KCNQ2: variants seen among roughly 807,000 people sequenced by gnomAD.
KCNQ2 encodes the protein potassium voltage-gated channel subfamily Q member 2, also known as potassium voltage-gated channel subfamily KQT member 2.
In KCNQ2, 14 loss-of-function variants were observed where a neutral mutation model predicts 84.8. The observed-to-expected ratio is 0.17, with a 90% CI of 0.11 to 0.26. The LOEUF (loss-of-function observed/expected upper bound fraction) is 0.26, where lower values mean the gene tolerates loss of function less well. KCNQ2 is among the 10% of genes least tolerant of loss of function. KCNQ2 has a pLI of 1.00. For missense variants in KCNQ2, 788 were observed against 1,254.0 expected (o/e 0.63, Z 5.61); for synonymous variants, 599 against 554.1 (o/e 1.08, Z -1.14).
chr20:63,452,927 C>T (rs1178210668), intron 1 of KCNQ2, among the ~76,000 whole-genome samples: 4 of 146,812 alleles, frequency 2.7e-5, no homozygotes, highest in South Asian at 2.4e-4. Context: ...GGGGTTGGGG[C>T]GGGGGCTTCC....
In KCNQ2 at chr20:63,400,611, C is replaced by T. The variant is rs1435518522; in HGVS notation, c.*6033G>A. 2.5e-6 allele frequency: 1 copy of T among 398,552 alleles called. No individual in the cohort carries two copies. Among genetic ancestry groups the T allele is most frequent in the Non-Finnish European group, 4.4e-6 (1 of 226,066 alleles). The allele number at this position is 398,552 out of a possible 1,614,324, so 24.7% of individuals were successfully genotyped here. On this transcript the variant is annotated 3_prime_UTR_variant, in exon 17 of 17. Transcript: ENST00000359125. This position sits in a 1 kb window ranked among gnomAD's most constrained non-coding sequence, Gnocchi z 8.7. ...TATGAAATGTTCTTTGGAGCATGAA[C>T]AAAAGTGCAGACAGCCAGAGGCAAC... is the stretch of plus-strand genomic sequence containing the variant.
chr20:63,470,081 G>A (rs531145437), intron 1 of KCNQ2, among the ~76,000 whole-genome samples: 3 of 152,370 alleles, frequency 2.0e-5, no homozygotes, highest in African/African-American at 7.2e-5. Context: ...GGTTTGCAGA[G>A]GTTCTGAGAC....
At position 63,433,826 on chromosome 20, in the gene KCNQ2, G is replaced by A; in HGVS notation, c.1101C>T (p.Val367=). The change falls in exon 8 of 17, where the codon GTC becomes GTT. Residue 367 remains valine (V), a synonymous_variant. Transcript: ENST00000359125. ...GGCGGTACCTGTACATGGGCACGGTGACCGTTCGCTCGTAGTACTGCCACG... is the reference window on the plus strand; with the variant it reads ...GGCGGTACCTGTACATGGGCACGGTAACCGTTCGCTCGTAGTACTGCCACG... The part of the protein sequence containing the change: ...HSTWQYYERT[V]TVPMYSSQTQ... 1 of 1,614,004 alleles carries A rather than the reference G, an allele frequency of 6.2e-7. No homozygotes were observed. The highest frequency in any genetic ancestry group is 8.5e-7 in the Non-Finnish European group (1 of 1,179,956).
At chr20:63,442,736 T>TCACCATCACCACCATCA (rs1568934132) in intron 4 of KCNQ2, among the ~76,000 whole-genome samples, 1 of 36,222 alleles carries the variant, frequency 2.8e-5, no homozygotes, top group Admixed American at 2.9e-4. Flanking sequence ...CATCACCACC[T>TCACCATCACCACCATCA]CCACCATCAC....
At position 63,413,524 on chromosome 20, in the gene KCNQ2, G is replaced by A. The variant is rs35450031; in HGVS notation, c.1689C>T (p.Asp563=). Residue 563 remains aspartate (D), a synonymous_variant, in exon 15 of 17, where the codon GAC becomes GAT. Coordinates refer to ENST00000359125, the MANE Select transcript of KCNQ2 (RefSeq NM_172107.4). ...AGTACTGCTCGATGACGTCCATCACGTCGTAGGGCCGCAGGCTCTCCTTGA... is the reference window on the plus strand; with the variant it reads ...AGTACTGCTCGATGACGTCCATCACATCGTAGGGCCGCAGGCTCTCCTTGA... ...RKFKESLRPY[D]VMDVIEQYSA... is the part of the protein sequence containing the mutation. 1,541 of 1,613,512 alleles carry A rather than the reference G, an allele frequency of 9.6e-4. 8 individuals are homozygous for A. The African/African-American group carries it at 0.017, about 18-fold the overall frequency.
intron 1 of KCNQ2, among the ~76,000 whole-genome samples, chr20:63,470,379 C>T (rs1218768986): frequency 6.6e-6 from 1 of 152,182 alleles, no homozygotes; most frequent in Non-Finnish European, 1.5e-5. Context: ...AGAGGGGGCC[C>T]GTCCGGACTG....
intron 8 of KCNQ2, among the ~76,000 whole-genome samples, chr20:63,431,612 C>T (rs2080789421): frequency 6.6e-6 from 1 of 152,130 alleles, no homozygotes; most frequent in Admixed American, 6.5e-5. Flanking sequence ...GTCGGGCTTC[C>T]AGGAGGTGCA....
Position 63,413,470 on chromosome 20 carries a change from T to A in KCNQ2, c.1743A>T (p.Arg581=), listed in dbSNP as rs757856249. The A allele has an allele frequency of 6.2e-7, 1 of 1,613,232 alleles. No homozygotes were observed. Among genetic ancestry groups the A allele is most frequent in the South Asian group, 1.1e-5 (1 of 91,082 alleles). ...YSAGHLDMLS[R]IKSLQSRVDQ... Reference sequence around the variant, plus strand: ...CTTGCCTGGACTGCAGGCTCTTAATTCGGGACAGCATGTCCAGGTGGCCGG... The same window carrying A: ...CTTGCCTGGACTGCAGGCTCTTAATACGGGACAGCATGTCCAGGTGGCCGG... The change falls in exon 15 of 17, where the codon CGA becomes CGT. Residue 581 remains arginine, a synonymous_variant. Transcript: ENST00000359125.
chr20:63,446,186 C>T lies in KCNQ2; in HGVS notation c.387+561G>A. ...AGGCCCCAGGTAACTGCAAAGGGGG[C>T]CACAGTCTCCACCCAGACCTTGGGA... On this transcript the variant is annotated intron_variant, in intron 2 of 16. Coordinates refer to ENST00000359125, the MANE Select transcript of KCNQ2 (RefSeq NM_172107.4). This position sits in a 1 kb window ranked among gnomAD's most constrained non-coding sequence, Gnocchi z 5.5. 1 of 264,444 alleles carries T rather than the reference C, an allele frequency of 3.8e-6. No individual in the cohort carries two copies. Among genetic ancestry groups the T allele is most frequent in the Non-Finnish European group, 7.4e-6 (1 of 135,452 alleles). The allele number at this position is 264,444 out of a possible 1,614,324, so 16.4% of individuals were successfully genotyped here. A position where few individuals can be genotyped will look rare whatever the true frequency, so the allele number is the denominator to read the frequency against.
chr20:63,417,776 C>T (rs2080339932), intron 12 of KCNQ2, among the ~76,000 whole-genome samples: 1 of 152,200 alleles, frequency 6.6e-6, no homozygotes, highest in Non-Finnish European at 1.5e-5. Context: ...TCCCATTTTT[C>T]AGGGGGGACC....
chr20:63,435,972 A>G (rs1600740334), intron 7 of KCNQ2, among the ~76,000 whole-genome samples: 1 of 144,868 alleles, frequency 6.9e-6, no homozygotes, highest in Non-Finnish European at 1.5e-5. Flanking sequence ...TACATTTGAC[A>G]TGTGTGTGGT....
At chr20:63,447,659 A>G (rs1240285800) in intron 1 of KCNQ2, among the ~76,000 whole-genome samples, 1 of 151,940 alleles carries the variant, frequency 6.6e-6, no homozygotes, top group Non-Finnish European at 1.5e-5. Flanking sequence ...CAATGGCGTG[A>G]TCTTGGCTCG....
rs1340055401 is a variant in KCNQ2, at chr20:63,438,396, G to C, written c.1023+229C>G. The C allele has an allele frequency of 6.6e-6, 4 of 606,580 alleles. No individual in the cohort carries two copies. The highest frequency in any genetic ancestry group is 8.9e-6 in the Non-Finnish European group (3 of 335,700). The allele number at this position is 606,580 out of a possible 1,614,324, so 37.6% of individuals were successfully genotyped here. ...GCCCCAGCACCCACACAAGGCAAGGGCCACCCCAGCGTCCTCACACGAGCC... is the reference window on the plus strand; with the variant it reads ...GCCCCAGCACCCACACAAGGCAAGGCCCACCCCAGCGTCCTCACACGAGCC... On this transcript the variant is annotated intron_variant, in intron 7 of 16. Coordinates refer to ENST00000359125, the MANE Select transcript of KCNQ2 (RefSeq NM_172107.4). This position sits in a 1 kb window ranked among gnomAD's most constrained non-coding sequence, Gnocchi z 5.1.
At chr20:63,455,180 G>C (rs934569760) in intron 1 of KCNQ2, among the ~76,000 whole-genome samples, 1 of 152,228 alleles carries the variant, frequency 6.6e-6, no homozygotes, top group African/African-American at 2.4e-5. Flanking sequence ...GGAGGACCGA[G>C]CAGCTTCTCT....
Position 63,406,278 on chromosome 20 carries a change from C to T in KCNQ2, c.*366G>A, listed in dbSNP as rs137910036. 409 of 258,068 alleles carry T rather than the reference C, an allele frequency of 1.6e-3. 5 individuals are homozygous for T. The highest frequency in any genetic ancestry group is 8.3e-3 in the African/African-American group (371 of 44,958). The allele number at this position is 258,068 out of a possible 1,614,324, so 16.0% of individuals were successfully genotyped here. The stretch of plus-strand genomic sequence containing the variant: ...CTGCCCTTTGTGCCTCCCCTGGGCT[C>T]GGCTGAGACAACCCCCCGCCTGTTG... On this transcript the variant is annotated 3_prime_UTR_variant, in exon 17 of 17. Transcript: ENST00000359125.
chr20:63,470,294 G>A (rs978032285), intron 1 of KCNQ2, among the ~76,000 whole-genome samples: 4 of 152,236 alleles, frequency 2.6e-5, no homozygotes, highest in Non-Finnish European at 4.4e-5. Flanking sequence ...GAGAGGCCTA[G>A]TGCAGGCTGG....
rs772452810 is a variant in KCNQ2, at chr20:63,472,386, C to T, written c.78G>A (p.Gly26=). The change falls in exon 1 of 17, where the codon GGG becomes GGA. Residue 26 remains glycine, a synonymous_variant. Transcript: ENST00000359125. The part of the protein sequence containing the change: ...GEKKLKVGFV[G]LDPGAPDSTR... ...TGGAGTCGGGCGCGCCGGGGTCCAGCCCCACGAAGCCCACCTTCAGCTTCT... is the reference window on the plus strand; with the variant it reads ...TGGAGTCGGGCGCGCCGGGGTCCAGTCCCACGAAGCCCACCTTCAGCTTCT... The T allele has an allele frequency of 7.8e-6, 12 of 1,536,222 alleles. No homozygotes were observed. The highest frequency in any genetic ancestry group is 1.4e-5 in the African/African-American group (1 of 70,898).
chr20:63,433,685 T>C (rs2080896545), intron 8 of KCNQ2, 124 bp downstream of exon 8: 1 of 1,574,908 alleles, frequency 6.3e-7, no homozygotes, highest in Admixed American at 1.7e-5. Context: ...AACTCCTTTG[T>C]GAAAAATACA....
At position 63,438,844 on chromosome 20, in the gene KCNQ2, ACT is replaced by A; in HGVS notation, c.928-126_928-125del. 5 of 626,812 alleles carry A rather than the reference ACT, an allele frequency of 8.0e-6. No homozygotes were observed. The highest frequency in any genetic ancestry group is 6.3e-5 in the East Asian group (2 of 31,696). 38.8% of individuals were successfully genotyped at this position (626,812 alleles called of 1,614,324 possible). A position where few individuals can be genotyped will look rare whatever the true frequency, so the allele number is the denominator to read the frequency against. On this transcript the variant is annotated intron_variant, in intron 6 of 16. Transcript: ENST00000359125. The surrounding 1 kb of genome is among the most constrained non-coding windows in gnomAD (Gnocchi z 5.1). The stretch of plus-strand genomic sequence containing the variant: ...ATCAGGGTCAGACCACACTCCAGAG[ACT>A]CACACACCCCCCAATTCATCAGGGT...
Sources: gnomAD v4.1 joint callset for allele counts (sites outside exome capture counted in the v4.1 genomes callset) on GRCh38, gnomAD v4.1.1 for gene constraint, Gnocchi (gnomAD v3.1) non-coding constraint, MANE v1.5 for transcripts, NCBI Gene and HGNC (gene_info 2026-07-23, HGNC 2026-07-21) for gene names.